The following PAK6 variants were observed in gnomAD, a reference collection of about 807,000 sequenced individuals.
PAK6 encodes the protein p21 (RAC1) activated kinase 6, also known as serine/threonine-protein kinase PAK 6.
In PAK6, 33 loss-of-function variants were observed where a neutral mutation model predicts 60.8. That is an observed-to-expected ratio of 0.54 (90% CI 0.41 to 0.73). The LOEUF is 0.73. Among genes scored for constraint, PAK6 ranks in the 30% least tolerant of loss-of-function variants. The probability of loss-of-function intolerance (pLI) is 0.00; values close to 1 mark genes in which losing one functional copy is unlikely to be tolerated. For missense variants in PAK6, 845 were observed against 904.1 expected (o/e 0.93, Z 0.84); for synonymous variants, 404 against 378.5 (o/e 1.07, Z -0.78).
chr15:40,265,102 T>C (rs1247195969), intron 4 of PAK6, 113 bp downstream of exon 4: 1 of 961,910 alleles, frequency 1.0e-6, no homozygotes, highest in East Asian at 2.6e-5. Flanking sequence ...AGCTATCAGT[T>C]AATCAGCTGT....
chr15:40,255,607 G>A (rs1395304009), intron 3 of PAK6, among the ~76,000 whole-genome samples: 1 of 152,182 alleles, frequency 6.6e-6, no homozygotes, highest in Non-Finnish European at 1.5e-5. Context: ...CTTCCCCCGT[G>A]TATTTTGGGA....
chr15:40,265,934 C>A, exon 5 of PAK6: 2 of 1,606,038 alleles, frequency 1.2e-6, no homozygotes, highest in Non-Finnish European at 1.7e-6. Flanking sequence ...GCTCCAACAC[C>A]CTGCGTGGCC....
At chr15:40,263,585 C>A (rs1404099386) in intron 3 of PAK6, among the ~76,000 whole-genome samples, 3 of 152,136 alleles carry the variant, frequency 2.0e-5, no homozygotes, top group African/African-American at 4.8e-5. Flanking sequence ...CAGCAAGGCA[C>A]GGGACACAGG....
Position 40,272,399 on chromosome 15 carries a change from G to A in PAK6, c.1034G>A (p.Arg345Gln), listed in dbSNP as rs750185540. ...CCGGCCACAGGCCAGCTTCCAGGCC[G>A]GTCTTCCCCAGCGGGATCCCCCCGC... is the stretch of plus-strand genomic sequence containing the variant. The change falls in exon 6 of 11, where the codon CGG (arginine) becomes CAG (glutamine). Residue 345 changes from arginine to glutamine, a missense_variant. Physicochemically the swap from Arg to Gln is conservative, Grantham distance 43. Coordinates refer to ENST00000560346, the Ensembl canonical transcript of PAK6. The A allele has an allele frequency of 6.8e-6, 11 of 1,613,582 alleles. No homozygotes were observed. Among genetic ancestry groups the A allele is most frequent in the East Asian group, 2.2e-5 (1 of 44,882 alleles).
At chr15:40,260,471 C>T (rs2038953991) in intron 3 of PAK6, 1 of 152,130 alleles carries the variant, frequency 6.6e-6, no homozygotes, top group Non-Finnish European at 1.5e-5. Context: ...TTTGTCAATT[C>T]CGTACTAAAT....
At chr15:40,275,281 T>TTTTCTTTTTC (rs1555389205) in intron 10 of PAK6, among the ~76,000 whole-genome samples, 222 of 19,696 alleles carry the variant, frequency 0.011, 5 homozygotes, top group African/African-American at 0.041. Context: ...TTGTTGTTGG[T>TTTTCTTTTTC]TTTTTTTTTT....
In PAK6 at chr15:40,272,544, G is replaced by A. The variant is rs769256241; in HGVS notation, c.1179G>A (p.Ala393=). ...TGACACATGAGCAGTTCAAGGCTGC[G>A]CTCAGGATGGTGGTGGACCAGGGTG... Residue 393 remains alanine, a synonymous_variant, in exon 6 of 11, where the codon GCG becomes GCA. Coordinates refer to ENST00000560346, the Ensembl canonical transcript of PAK6. 31 of 1,613,564 alleles carry A rather than the reference G, an allele frequency of 1.9e-5. No homozygotes were observed. In the East Asian group the frequency reaches 3.1e-4, roughly 16 times the overall value.
chr15:40,269,380 A>G (rs919660153), intron 5 of PAK6, among the ~76,000 whole-genome samples: 1 of 152,220 alleles, frequency 6.6e-6, no homozygotes, highest in Non-Finnish European at 1.5e-5. Flanking sequence ...TACTTAAGGT[A>G]TAGCCCCCTA....
At chr15:40,257,672 T>C (rs62020054) in intron 3 of PAK6, among the ~76,000 whole-genome samples, 11,266 of 152,288 alleles carry the variant, frequency 0.074, 600 homozygotes, top group Non-Finnish European at 0.11. Flanking sequence ...GGCTTGAGGT[T>C]TAACGGCAGG....
chr15:40,242,210 G>C (rs1377093334), intron 2 of PAK6, among the ~76,000 whole-genome samples: 5 of 152,184 alleles, frequency 3.3e-5, no homozygotes, highest in African/African-American at 1.2e-4. Context: ...TCTTATGCCA[G>C]CCCGCTTCTG....
chr15:40,263,571 G>A (rs1156536747), intron 3 of PAK6, among the ~76,000 whole-genome samples: 2 of 152,192 alleles, frequency 1.3e-5, no homozygotes, highest in East Asian at 3.9e-4. Context: ...GGCAAAGCCA[G>A]AATCAGCAAG....
At chr15:40,275,985 G>A (rs1264879400) in exon 11 of PAK6, 3 of 1,613,474 alleles carry the variant, frequency 1.9e-6, no homozygotes, top group South Asian at 2.2e-5. Flanking sequence ...CCCCAAGAGA[G>A]AGCCACAGCC....
At chr15:40,252,900 A>C (rs1401491683) in intron 2 of PAK6, 1 of 1,205,812 alleles carries the variant, frequency 8.3e-7, no homozygotes, top group Admixed American at 3.1e-5. Flanking sequence ...CGCGTCCCCG[A>C]GAGGGCGCAG....
chr15:40,274,011 G>A (rs1023105602), intron 9 of PAK6, 131 bp from the exon 10 acceptor site: 5 of 1,065,012 alleles, frequency 4.7e-6, no homozygotes, highest in Non-Finnish European at 5.6e-6. Context: ...AGGTGACCAG[G>A]GGAGGAAGGA....
chr15:40,252,265 T>G, intron 2 of PAK6: 1 of 1,200,494 alleles, frequency 8.3e-7, no homozygotes, highest in Non-Finnish European at 1.1e-6. Flanking sequence ...GTGAACGAGG[T>G]GATTACACAC....
At chr15:40,247,210 T>C (rs138831085) in intron 2 of PAK6, 162 of 152,378 alleles carry the variant, frequency 1.1e-3, no homozygotes, top group African/African-American at 3.7e-3. Flanking sequence ...AAGTTTCCCA[T>C]TCAAGGAGGC....
At chr15:40,276,619 G>C (rs529584226) in exon 11 of PAK6, 1 of 153,226 alleles carries the variant, frequency 6.5e-6, no homozygotes, top group African/African-American at 2.4e-5. Context: ...GCCCCTCCCC[G>C]CCCAGAACTG....
At chr15:40,268,141 A>G (rs546620435) in intron 5 of PAK6, among the ~76,000 whole-genome samples, 1 of 152,242 alleles carries the variant, frequency 6.6e-6, no homozygotes, top group African/African-American at 2.4e-5. Context: ...CAGCAACACC[A>G]TACTTCCAAA....
rs754797947 is a variant in PAK6 at position 40,276,072 on chromosome 15, G to A, written c.2024G>A (p.Arg675Gln). The change falls in exon 11 of 11, where the codon CGA (arginine) becomes CAA (glutamine). Residue 675 changes from arginine (R) to glutamine (Q), a missense_variant. By Grantham distance (43) the Arg-to-Gln change is conservative (BLOSUM62 1). Coordinates refer to ENST00000560346, the Ensembl canonical transcript of PAK6. ...CTGGTGCCCCTGATCCAGCTCTACCGAAAGCAGACCTCCACCTGCTGAGCC... is the reference window on the plus strand; with the variant it reads ...CTGGTGCCCCTGATCCAGCTCTACCAAAAGCAGACCTCCACCTGCTGAGCC... The A allele has an allele frequency of 2.4e-5, 39 of 1,613,636 alleles. No homozygotes were observed. The East Asian group carries it at 4.7e-4, about 19-fold the overall frequency.
Sources: gnomAD v4.1 joint callset for allele counts (sites outside exome capture counted in the v4.1 genomes callset) on GRCh38, gnomAD v4.1.1 for gene constraint, MANE v1.5 for transcripts, NCBI Gene and HGNC (gene_info 2026-07-23, HGNC 2026-07-21) for gene names.